Variants in BMP2K observed in about 807,000 individuals in gnomAD.
The protein encoded by BMP2K is BMP2 inducible kinase, also known as BMP-2-inducible protein kinase.
BMP2K carries 74 observed loss-of-function variants against 116.0 expected under a neutral mutation model. The observed-to-expected ratio is 0.64, with a 90% CI of 0.53 to 0.77. The LOEUF (loss-of-function observed/expected upper bound fraction) is 0.77. Ranked by LOEUF, BMP2K falls within the 30% of genes least tolerant of loss-of-function variation. The pLI is 0.00. For synonymous variants in BMP2K, 486 were observed against 502.5 expected (o/e 0.97, Z 0.44); for missense variants, 1,365 against 1,403.6 (o/e 0.97, Z 0.44).
intron 13 of BMP2K, 45 bp downstream of exon 13, chr4:78,872,843 G>GGAAGTC: frequency 6.4e-7 from 1 of 1,566,192 alleles, no homozygotes; most frequent in Non-Finnish European, 8.7e-7. Context: ...TTGTGGAAGT[G>GGAAGTC]GAAGTCATCG....
At chr4:78,890,171 T>TG (rs1380835487) in intron 15 of BMP2K, among the ~76,000 whole-genome samples, 1 of 151,258 alleles carries the variant, frequency 6.6e-6, no homozygotes, top group South Asian at 2.1e-4. Context: ...AGATTTGAAA[T>TG]GGAAAAAAAA....
In BMP2K at chr4:78,870,899, C is replaced by A; in HGVS notation, c.1348C>A (p.Gln450Lys). The change falls in exon 11 of 16, where the codon CAA becomes AAA. Residue 450 changes from glutamine (Q) to lysine (K), a missense_variant. Transcript: ENST00000502613. ...QLQQGDWRLQ[Q>K]LHLQHRHPHQ... ...ACAGCAGGGAGATTGGAGATTACAG[C>A]AACTCCATTTACAGCATCGTCATCC... 1 of 1,613,906 alleles carries A rather than the reference C, an allele frequency of 6.2e-7. No individual in the cohort carries two copies. Among genetic ancestry groups the A allele is most frequent in the South Asian group, 1.1e-5 (1 of 91,062 alleles).
rs1055347618 is a variant in BMP2K, at chr4:78,915,456, A to C, written c.*3423A>C. ...TTTAATATATTTAGAATGTGCAGTA[A>C]ACTTTTTTCTCATTTTTTTTTCTTT... On this transcript the variant is annotated 3_prime_UTR_variant, in exon 16 of 16. Coordinates refer to ENST00000502613, the MANE Select transcript of BMP2K (RefSeq NM_198892.2). The C allele has an allele frequency of 1.3e-5, 2 of 151,920 alleles. No homozygotes were observed. The highest frequency in any genetic ancestry group is 2.9e-5 in the Non-Finnish European group (2 of 67,896). 9.4% of individuals were successfully genotyped at this position (151,920 alleles called of 1,614,324 possible).
At chr4:78,819,530 A>T (rs921665211) in intron 1 of BMP2K, among the ~76,000 whole-genome samples, 3 of 152,236 alleles carry the variant, frequency 2.0e-5, no homozygotes, top group Admixed American at 6.5e-5. Flanking sequence ...ACTGGGGCTC[A>T]TACATAATCT....
At chr4:78,877,519 A>C (rs1475155123) in intron 13 of BMP2K, among the ~76,000 whole-genome samples, 1 of 152,090 alleles carries the variant, frequency 6.6e-6, no homozygotes, top group Non-Finnish European at 1.5e-5. Flanking sequence ...ATCTTGTCTC[A>C]CTGCAAGTTC....
At chr4:78,882,614 G>A (rs1438518881) in intron 14 of BMP2K, among the ~76,000 whole-genome samples, 1 of 151,522 alleles carries the variant, frequency 6.6e-6, no homozygotes, top group Non-Finnish European at 1.5e-5. Flanking sequence ...GCTTGCTTTG[G>A]GGAAATTATT....
intron 15 of BMP2K, among the ~76,000 whole-genome samples, chr4:78,895,596 T>TG (rs1370041954): frequency 2.6e-5 from 4 of 151,824 alleles, no homozygotes; most frequent in African/African-American, 9.7e-5. Flanking sequence ...AAGTGAGACT[T>TG]GGGAAAAAAT....
intron 2 of BMP2K, among the ~76,000 whole-genome samples, chr4:78,832,108 G>A (rs576615265): frequency 6.7e-4 from 102 of 152,130 alleles, no homozygotes; most frequent in Non-Finnish European, 1.2e-3. Context: ...TATTTGATGA[G>A]CATTTGGGCT....
chr4:78,826,094 A>G lies in BMP2K; in HGVS notation c.236A>G (p.Lys79Arg). ...RTHGGIRCAL[K>R]RMYVNNMPDL... ...CACGGTGGAATCCGATGTGCATTGA[A>G]GCGAATGTATGTCAATAACATGCCA... is the stretch of plus-strand genomic sequence containing the variant. Residue 79 changes from lysine to arginine, a missense_variant, in exon 2 of 16, where the codon AAG becomes AGG. By Grantham distance (26) the Lys-to-Arg change is conservative. This residue lies in a region of BMP2K where 762 missense variants were observed against 756.7 expected (regional missense o/e 1.01). Coordinates refer to ENST00000502613, the MANE Select transcript of BMP2K (RefSeq NM_198892.2). 1 of 1,614,218 alleles carries G rather than the reference A, an allele frequency of 6.2e-7. No individual in the cohort carries two copies. Among genetic ancestry groups the G allele is most frequent in the Non-Finnish European group, 8.5e-7 (1 of 1,180,018 alleles).
At chr4:78,782,224 G>C (rs1250288060) in intron 1 of BMP2K, among the ~76,000 whole-genome samples, 1 of 152,146 alleles carries the variant, frequency 6.6e-6, no homozygotes, top group African/African-American at 2.4e-5. Flanking sequence ...GTGGACACTT[G>C]TAACTATTTG....
In BMP2K at chr4:78,911,891, C is replaced by T; in HGVS notation, c.3344C>T (p.Ala1115Val). The change falls in exon 16 of 16, where the codon GCA (alanine) becomes GTA (valine). Residue 1115 changes from alanine (A) to valine (V), a missense_variant. Ala to Val is a moderately conservative substitution (Grantham distance 64). Transcript: ENST00000502613. ...TCACTACATGGGTCATTCCATAGTG[C>T]AGATGTATTGAAAATGGATGATTTT... ...QNSLHGSFHS[A>V]DVLKMDDFGA... is the part of the protein sequence containing the mutation. 1 of 1,613,964 alleles carries T rather than the reference C, an allele frequency of 6.2e-7. No individual in the cohort carries two copies. The highest frequency in any genetic ancestry group is 8.5e-7 in the Non-Finnish European group (1 of 1,179,884).
chr4:78,842,798 T>C (rs1217551804), intron 4 of BMP2K, among the ~76,000 whole-genome samples: 1 of 152,004 alleles, frequency 6.6e-6, no homozygotes, highest in African/African-American at 2.4e-5. Flanking sequence ...AAGGTTTCAT[T>C]TGAACATAAA....
intron 1 of BMP2K, among the ~76,000 whole-genome samples, chr4:78,810,795 CT>C (rs1362586948): frequency 6.6e-6 from 1 of 150,908 alleles, no homozygotes; most frequent in East Asian, 1.9e-4. Flanking sequence ...GCTGTTTTTA[CT>C]GAGATTCATC....
chr4:78,880,230 G>A (rs539166874), intron 14 of BMP2K, among the ~76,000 whole-genome samples: 5 of 152,202 alleles, frequency 3.3e-5, no homozygotes, highest in East Asian at 3.9e-4. Flanking sequence ...GTGCCACCAC[G>A]CCCAGCGAAT....
chr4:78,911,679 C>T lies in BMP2K; in HGVS notation c.3132C>T (p.Asn1044=), dbSNP rs776706831. The T allele has an allele frequency of 3.1e-5, 50 of 1,613,778 alleles. No individual in the cohort carries two copies. Among genetic ancestry groups the T allele is most frequent in the South Asian group, 2.5e-4 (23 of 91,072 alleles). Residue 1044 remains asparagine (N), a synonymous_variant, in exon 16 of 16, where the codon AAC becomes AAT. Transcript: ENST00000502613. ...TAACCATCTCAGACTCCAAGGAGAA[C>T]ATTAGTGTTGCACTGACTGATGGGA... ...EFLTISDSKE[N]ISVALTDGKD...
chr4:78,866,517 A>T (rs967140518), intron 10 of BMP2K, among the ~76,000 whole-genome samples: 2 of 152,108 alleles, frequency 1.3e-5, no homozygotes, highest in Non-Finnish European at 2.9e-5. Context: ...TCTTAATAGG[A>T]TTATTGGGAG....
At chr4:78,829,787 T>TCTTCTCTTCTCTTCTCTTCTCTTCTC (rs1730089748) in intron 2 of BMP2K, among the ~76,000 whole-genome samples, 1 of 86,594 alleles carries the variant, frequency 1.2e-5, no homozygotes, top group African/African-American at 4.2e-5. Flanking sequence ...TTTCTTTTCT[T>TCTTCTCTTCTCTTCTCTTCTCTTCTC]TTCTCTTCTC....
intron 10 of BMP2K, among the ~76,000 whole-genome samples, chr4:78,869,163 G>A (rs1453562233): frequency 6.6e-6 from 1 of 152,106 alleles, no homozygotes; most frequent in Non-Finnish European, 1.5e-5. Context: ...CTAGGCCAAG[G>A]TTCCCAAACC....
chr4:78,861,519 C>T, intron 9 of BMP2K, 51 bp downstream of exon 9: 4 of 1,418,504 alleles, frequency 2.8e-6, no homozygotes, highest in Non-Finnish European at 3.9e-6. Flanking sequence ...AATGATAGGT[C>T]TTGTTTTTAA....
Sources: gnomAD v4.1 joint callset for allele counts (sites outside exome capture counted in the v4.1 genomes callset) on GRCh38, gnomAD v4.1.1 for gene constraint, gnomAD v4.1.1 regional missense constraint, MANE v1.5 for transcripts, NCBI Gene and HGNC (gene_info 2026-07-23, HGNC 2026-07-21) for gene names.